The following IL2RB variants were observed in gnomAD, a reference collection of about 807,000 sequenced individuals.
The protein encoded by IL2RB is interleukin 2 receptor subunit beta.
In IL2RB, 17 loss-of-function variants were observed where a neutral mutation model predicts 44.2. The ratio of observed to expected loss-of-function variants is 0.38; its 90% CI spans 0.26 to 0.58. IL2RB has a LOEUF of 0.58. Ranked by LOEUF, IL2RB falls within the 20% of genes least tolerant of loss-of-function variation. IL2RB has a pLI of 0.63. For synonymous variants in IL2RB, 286 were observed against 297.9 expected (o/e 0.96, Z 0.41); for missense variants, 624 against 685.5 (o/e 0.91, Z 1.00).
rs776940905 is a variant in IL2RB at position 37,141,468 on chromosome 22, G to A, written c.282+966C>T. 2.6e-5 allele frequency among the ~76,000 whole-genome samples: 4 copies of A among 152,072 alleles called. No individual in the cohort carries two copies. The highest frequency in any genetic ancestry group is 4.4e-5 in the Non-Finnish European group (3 of 68,004). ...ATCCTGGAGGCACAGTCGGGGCTAC[G>A]CACTCTGTGGATCCAGTGTGAGTCG... On this transcript the variant is annotated intron_variant, in intron 4 of 9. Coordinates refer to ENST00000216223, the MANE Select transcript of IL2RB (RefSeq NM_000878.5). This position sits in a 1 kb window ranked among gnomAD's most constrained non-coding sequence, Gnocchi z 4.4.
In IL2RB at chr22:37,128,935, C is replaced by T; in HGVS notation, c.904-87G>A. 4 of 1,436,068 alleles carry T rather than the reference C, an allele frequency of 2.8e-6. No homozygotes were observed. The South Asian group carries it at 5.7e-5, about 20-fold the overall frequency. 89.0% of individuals were successfully genotyped at this position (1,436,068 alleles called of 1,614,324 possible). On this transcript the variant is annotated intron_variant, in intron 9 of 9. Transcript: ENST00000216223. The surrounding 1 kb of genome is among the most constrained non-coding windows in gnomAD (Gnocchi z 4.5). ...CTGGACTCTCAACAGCTCCTAACTCCTCCTCCTCCTGAAGCAGTTGGCCCA... is the reference window on the plus strand; with the variant it reads ...CTGGACTCTCAACAGCTCCTAACTCTTCCTCCTCCTGAAGCAGTTGGCCCA...
rs1923155797 is a variant in IL2RB at position 37,168,545 on chromosome 22, T to TGAAA, written c.-34+6409_-34+6412dup. On this transcript the variant is annotated intron_variant, in intron 1 of 5. Transcript: ENST00000429622. The stretch of plus-strand genomic sequence containing the variant: ...ACCTCTCTGAGCCTGTTTCTGCATC[T>TGAAA]GAAACATGCGACTACTCCCCACCTC... 5.3e-5 allele frequency among the ~76,000 whole-genome samples: 8 copies of TGAAA among 152,336 alleles called. No homozygotes were observed. The South Asian group carries it at 1.7e-3, about 32-fold the overall frequency.
At chr22:37,147,791 G>A (rs998805258) in intron 1 of IL2RB, among the ~76,000 whole-genome samples, 1 of 152,254 alleles carries the variant, frequency 6.6e-6, no homozygotes. Context: ...GTCTCCACAG[G>A]AGGGTGAGCT....
At chr22:37,168,329 G>A (rs527922704) in intron 1 of IL2RB, among the ~76,000 whole-genome samples, 3 of 152,276 alleles carry the variant, frequency 2.0e-5, no homozygotes, top group East Asian at 3.9e-4. Context: ...AGTTTGAAAC[G>A]CCTGCAAATG....
At chr22:37,138,616 G>A (rs746502614) in intron 5 of IL2RB, among the ~76,000 whole-genome samples, 1 of 152,230 alleles carries the variant, frequency 6.6e-6, no homozygotes, top group Non-Finnish European at 1.5e-5. Flanking sequence ...TGCCTTCAGG[G>A]TGCTCACAGC....
In IL2RB at chr22:37,128,915, C is replaced by T. The variant is rs1385218932; in HGVS notation, c.904-67G>A. 8.7e-6 allele frequency: 13 copies of T among 1,500,608 alleles called. No homozygotes were observed. In the East Asian group the frequency reaches 3.0e-4, roughly 35 times the overall value. The allele number at this position is 1,500,608 out of a possible 1,614,324, so 93.0% of individuals were successfully genotyped here. A position where few individuals can be genotyped will look rare whatever the true frequency, so the allele number is the denominator to read the frequency against. Reference sequence around the variant, plus strand: ...TTCACCCTCCACCCCTTCCTCTGGACTCTCAACAGCTCCTAACTCCTCCTC... The same window carrying T: ...TTCACCCTCCACCCCTTCCTCTGGATTCTCAACAGCTCCTAACTCCTCCTC... On this transcript the variant is annotated intron_variant, in intron 9 of 9. Transcript: ENST00000216223. The surrounding 1 kb of genome is among the most constrained non-coding windows in gnomAD (Gnocchi z 4.5).
At chr22:37,147,815 G>A (rs551547502) in intron 1 of IL2RB, among the ~76,000 whole-genome samples, 9 of 152,376 alleles carry the variant, frequency 5.9e-5, no homozygotes, top group African/African-American at 9.6e-5. Flanking sequence ...CAGGGTGGGG[G>A]CTGCTCACCT....
rs755170506 is a variant in IL2RB, at chr22:37,136,294, G to A, written c.637C>T (p.Leu213=). Residue 213 remains leucine (L), a synonymous_variant, in exon 7 of 10, where the codon CTG becomes TTG. Coordinates refer to ENST00000216223, the MANE Select transcript of IL2RB (RefSeq NM_000878.5). ...CTCCAGGTCGTGAACTCGCCTTGCAGAGGCTTGACCCGCACCTGAAACTCA... is the reference window on the plus strand; with the variant it reads ...CTCCAGGTCGTGAACTCGCCTTGCAAAGGCTTGACCCGCACCTGAAACTCA... The part of the protein sequence containing the change: ...QYEFQVRVKP[L]QGEFTTWSPW... 21 of 1,613,050 alleles carry A rather than the reference G, an allele frequency of 1.3e-5. 1 individual carries two copies. The East Asian group carries it at 2.7e-4, about 21-fold the overall frequency.
intron 1 of IL2RB, among the ~76,000 whole-genome samples, chr22:37,160,864 G>A (rs1174691153): frequency 1.3e-5 from 2 of 151,776 alleles, no homozygotes; most frequent in Non-Finnish European, 2.9e-5. Context: ...ACAAAAGACT[G>A]GATGCGGTGG....
At chr22:37,131,476 AGAG>A (rs1291326425) in intron 9 of IL2RB, among the ~76,000 whole-genome samples, 2 of 152,236 alleles carry the variant, frequency 1.3e-5, no homozygotes, top group Middle Eastern at 3.2e-3. Flanking sequence ...GGGCTGGGGA[AGAG>A]GAGACGACGG....
rs1326545197 is a variant in IL2RB, at chr22:37,126,772, A to C, written c.*1324T>G. 2.0e-5 allele frequency: 3 copies of C among 152,054 alleles called. No homozygotes were observed. Among genetic ancestry groups the C allele is most frequent in the Admixed American group, 6.5e-5 (1 of 15,268 alleles). 9.4% of individuals were successfully genotyped at this position (152,054 alleles called of 1,614,324 possible). ...TGATCTGCCTAGGAAAGATACGTGG[A>C]GGGGTCGGGGTAGGGGGTTGAGCCC... On this transcript the variant is annotated 3_prime_UTR_variant, in exon 10 of 10. Coordinates refer to ENST00000216223, the MANE Select transcript of IL2RB (RefSeq NM_000878.5).
intron 1 of IL2RB, among the ~76,000 whole-genome samples, chr22:37,167,829 C>G (rs1003444872): frequency 3.3e-5 from 5 of 152,140 alleles, no homozygotes; most frequent in Non-Finnish European, 7.3e-5. Flanking sequence ...GAGCCTAAAG[C>G]TTTGTGTGAC....
At chr22:37,132,273 A>G (rs1921471568) in intron 9 of IL2RB, 111 bp downstream of exon 9, 3 of 748,698 alleles carry the variant, frequency 4.0e-6, no homozygotes, top group Non-Finnish European at 6.8e-6. Flanking sequence ...GAGGCTGCTC[A>G]CTTCGGCGTT....
chr22:37,152,801 A>G (rs535933054), upstream of IL2RB, among the ~76,000 whole-genome samples: 1 of 151,752 alleles, frequency 6.6e-6, no homozygotes, highest in South Asian at 2.1e-4. Flanking sequence ...ATGCACATCT[A>G]TTTACGTGCT....
At chr22:37,129,863 A>G (rs1921336670) in intron 9 of IL2RB, among the ~76,000 whole-genome samples, 1 of 152,186 alleles carries the variant, frequency 6.6e-6, no homozygotes, top group African/African-American at 2.4e-5. Context: ...CAGCTGGACT[A>G]TGGCCCCCTA....
chr22:37,160,679 CAAAAA>C (rs10605445), intron 1 of IL2RB, among the ~76,000 whole-genome samples: 39 of 136,018 alleles, frequency 2.9e-4, no homozygotes, highest in African/African-American at 8.4e-4. Flanking sequence ...CTGTCTATGC[CAAAAA>C]AAAAAAAAAA....
At chr22:37,142,100 G>A (rs3218276) in intron 4 of IL2RB, among the ~76,000 whole-genome samples, 3,457 of 152,300 alleles carry the variant, frequency 0.023, 126 homozygotes, top group African/African-American at 0.079. Context: ...AGAGCTGGGT[G>A]TGGTCATTAC....
At chr22:37,160,342 G>T (rs1281787424) in intron 1 of IL2RB, among the ~76,000 whole-genome samples, 1 of 152,226 alleles carries the variant, frequency 6.6e-6, no homozygotes, top group Non-Finnish European at 1.5e-5. Flanking sequence ...TACAGGAGAA[G>T]GTGGGGGCTA....
rs773290833 is a variant in IL2RB at position 37,128,415 on chromosome 22, C to A, written c.1337G>T (p.Gly446Val). The A allele has an allele frequency of 6.6e-7, 1 of 1,521,034 alleles. No individual in the cohort carries two copies. Among genetic ancestry groups the A allele is most frequent in the East Asian group, 2.3e-5 (1 of 43,942 alleles). The allele number at this position is 1,521,034 out of a possible 1,614,324, so 94.2% of individuals were successfully genotyped here. A position where few individuals can be genotyped will look rare whatever the true frequency, so the allele number is the denominator to read the frequency against. The change falls in exon 10 of 10, where the codon GGG (glycine) becomes GTG (valine). Residue 446 changes from glycine to valine, a missense_variant. Gly to Val is a moderately radical substitution (Grantham distance 109, BLOSUM62 -3). Around this residue, in one of 3 missense-constraint regions of IL2RB, gnomAD observed 291 missense variants for 275.5 expected, o/e 1.06. Transcript: ENST00000216223. The surrounding 1 kb of genome is among the most constrained non-coding windows in gnomAD (Gnocchi z 4.5). ...CCTCTCTTCACCGGCCCCACTGCCCCCAGGGGCAGTGCTTGGGGGGCTGGG... is the reference window on the plus strand; with the variant it reads ...CCTCTCTTCACCGGCCCCACTGCCCACAGGGGCAGTGCTTGGGGGGCTGGG... ...GGPSPPSTAPGGSGAGEERMP... is the reference protein window; with the variant it reads ...GGPSPPSTAPVGSGAGEERMP...
Sources: gnomAD v4.1 joint callset for allele counts (sites outside exome capture counted in the v4.1 genomes callset) on GRCh38, gnomAD v4.1.1 for gene constraint, gnomAD v4.1.1 regional missense constraint, Gnocchi (gnomAD v3.1) non-coding constraint, MANE v1.5 for transcripts, NCBI Gene and HGNC (gene_info 2026-07-23, HGNC 2026-07-21) for gene names.